Variants in SORCS3 observed in about 807,000 individuals in gnomAD.
The protein encoded by SORCS3 is sortilin related VPS10 domain containing receptor 3.
SORCS3 carries 57 observed loss-of-function variants against 146.3 expected under a neutral mutation model. The ratio of observed to expected loss-of-function variants is 0.39; its 90% CI spans 0.31 to 0.49. The LOEUF (loss-of-function observed/expected upper bound fraction) is 0.49. Among genes scored for constraint, SORCS3 ranks in the 20% least tolerant of loss-of-function variants. The pLI, the probability that SORCS3 is intolerant of heterozygous loss-of-function variation, is 0.92. For missense variants in SORCS3, 1,341 were observed against 1,575.5 expected, an observed-to-expected ratio of 0.85 and a Z score of 2.52; for synonymous variants, 653 against 618.5, an observed-to-expected ratio of 1.06 and a Z score of -0.83.
chr10:104,790,298 G>C (rs2017481096), intron 1 of SORCS3, among the ~76,000 whole-genome samples: 1 of 152,190 alleles, frequency 6.6e-6, no homozygotes. Flanking sequence ...TTCCTGGTAA[G>C]AGTTTTCAGT....
intron 19 of SORCS3, among the ~76,000 whole-genome samples, chr10:105,218,792 A>AGATC (rs1423360800): frequency 1.3e-5 from 2 of 152,222 alleles, no homozygotes; most frequent in African/African-American, 2.4e-5. Context: ...CAAGGCAGGC[A>AGATC]GATCACAGGC....
At chr10:104,924,062 G>A (rs2019114442) in intron 3 of SORCS3, among the ~76,000 whole-genome samples, 1 of 152,182 alleles carries the variant, frequency 6.6e-6, no homozygotes. Context: ...TGAGATGTTA[G>A]CCATTTGCTC....
At chr10:104,798,386 T>G (rs2017583270) in intron 1 of SORCS3, among the ~76,000 whole-genome samples, 2 of 152,168 alleles carry the variant, frequency 1.3e-5, no homozygotes, top group African/African-American at 2.4e-5. Flanking sequence ...GGGTGGGTTT[T>G]TTTTCTTCTA....
In SORCS3 at chr10:105,122,905, G is replaced by A. The variant is rs2055944847; in HGVS notation, c.1213-16492G>A. On this transcript the variant is annotated intron_variant, in intron 7 of 26. Coordinates refer to ENST00000369701, the MANE Select transcript of SORCS3 (RefSeq NM_014978.3). ...GGAGACAGTGCAGTTGGATGGATGT[G>A]CAGGTGAAGGGAGTTGGCGTTCCTG... 2.0e-5 allele frequency among the ~76,000 whole-genome samples: 3 copies of A among 152,194 alleles called. No individual in the cohort carries two copies. In the South Asian group the frequency reaches 6.2e-4, roughly 32 times the overall value.
At chr10:104,843,606 G>T (rs1416438324) in intron 2 of SORCS3, among the ~76,000 whole-genome samples, 1 of 152,226 alleles carries the variant, frequency 6.6e-6, no homozygotes, top group South Asian at 2.1e-4. Context: ...CAGGACGAGG[G>T]AGAAGAGGGA....
At chr10:104,737,382 T>G (rs1310635350) in intron 1 of SORCS3, among the ~76,000 whole-genome samples, 3 of 152,110 alleles carry the variant, frequency 2.0e-5, no homozygotes, top group Middle Eastern at 3.4e-3. Context: ...TGAACTAGTT[T>G]ACAGTCCCAC....
chr10:104,952,577 T>G (rs2019443804), intron 3 of SORCS3, among the ~76,000 whole-genome samples: 1 of 152,214 alleles, frequency 6.6e-6, no homozygotes, highest in Non-Finnish European at 1.5e-5. Context: ...CTTGGGGTTT[T>G]TGTTCACCCA....
chr10:104,909,687 G>GTCTA (rs2018946094), intron 2 of SORCS3, among the ~76,000 whole-genome samples: 1 of 152,054 alleles, frequency 6.6e-6, no homozygotes, highest in African/African-American at 2.4e-5. Flanking sequence ...CTGGCAGAGT[G>GTCTA]TCTATCTCTG....
At chr10:105,050,635 G>A (rs1184967324) in intron 5 of SORCS3, among the ~76,000 whole-genome samples, 1 of 152,098 alleles carries the variant, frequency 6.6e-6, no homozygotes, top group Non-Finnish European at 1.5e-5. Flanking sequence ...TCAGGCAGAG[G>A]CACCTAGCTG....
chr10:104,992,157 G>A (rs10884075), intron 4 of SORCS3, among the ~76,000 whole-genome samples: 20,274 of 152,098 alleles, frequency 0.13, 1,459 homozygotes, highest in Middle Eastern at 0.19. Flanking sequence ...GGAGCAGGGG[G>A]TAGGGCTTAT....
intron 1 of SORCS3, among the ~76,000 whole-genome samples, chr10:104,796,021 G>A (rs561854913): frequency 1.3e-5 from 2 of 152,326 alleles, no homozygotes; most frequent in South Asian, 4.1e-4. Context: ...GAGCTGTCAT[G>A]TGTCTTTGGC....
chr10:104,694,661 C>T (rs2016152557), intron 1 of SORCS3, among the ~76,000 whole-genome samples: 1 of 152,142 alleles, frequency 6.6e-6, no homozygotes, highest in Admixed American at 6.5e-5. Context: ...CAGAGCTCCC[C>T]ATAGGTGGGC....
intron 16 of SORCS3, among the ~76,000 whole-genome samples, chr10:105,203,519 G>C (rs2056585870): frequency 6.6e-6 from 1 of 152,098 alleles, no homozygotes; most frequent in South Asian, 2.1e-4. Flanking sequence ...CTGTGTCTCT[G>C]TGTGCCATAA....
chr10:104,777,928 A>G (rs75355820), intron 1 of SORCS3, among the ~76,000 whole-genome samples: 3,152 of 152,270 alleles, frequency 0.021, 104 homozygotes, highest in African/African-American at 0.072. Context: ...TATATCTCAT[A>G]GAGGTAGAGA....
intron 1 of SORCS3, among the ~76,000 whole-genome samples, chr10:104,720,664 C>T (rs1175066895): frequency 4.6e-5 from 7 of 152,150 alleles, no homozygotes; most frequent in Non-Finnish European, 8.8e-5. Flanking sequence ...TAATGATCGC[C>T]CTTCTAACTG....
In SORCS3 at chr10:104,720,197, G is replaced by A. The variant is rs182593001; in HGVS notation, c.627+78243G>A. Among the ~76,000 whole-genome samples, 322 of 151,632 alleles carry A rather than the reference G, an allele frequency of 2.1e-3. 1 individual carries two copies. The highest frequency in any genetic ancestry group is 3.4e-3 in the Non-Finnish European group (232 of 67,932). ...TGTGTCCATGTGTTCTCATTGTTCA[G>A]TTCCCACCTATGAGTGAGAAAATGC... On this transcript the variant is annotated intron_variant, in intron 1 of 26. Transcript: ENST00000369701.
intron 2 of SORCS3, among the ~76,000 whole-genome samples, chr10:104,906,541 T>A (rs2018906791): frequency 6.6e-6 from 1 of 152,224 alleles, no homozygotes; most frequent in African/African-American, 2.4e-5. Flanking sequence ...ATAGTAGGGC[T>A]ATATAAGCTT....
chr10:105,080,915 C>CT (rs2055620716), intron 5 of SORCS3, among the ~76,000 whole-genome samples: 1 of 152,086 alleles, frequency 6.6e-6, no homozygotes, highest in Non-Finnish European at 1.5e-5. Context: ...GGGAAAAGGA[C>CT]TCCCTGTTCA....
chr10:104,717,300 T>TAAAAAAAAAAAAA (rs200835513), intron 1 of SORCS3, among the ~76,000 whole-genome samples: 2 of 104,398 alleles, frequency 1.9e-5, no homozygotes. Context: ...AAAAAAAATG[T>TAAAAAAAAAAAAA]AAAAAAAAAA....
Sources: gnomAD v4.1 joint callset for allele counts (sites outside exome capture counted in the v4.1 genomes callset) on GRCh38, gnomAD v4.1.1 for gene constraint, MANE v1.5 for transcripts, NCBI Gene and HGNC (gene_info 2026-07-23, HGNC 2026-07-21) for gene names.